RYR3: variants seen among roughly 807,000 people sequenced by gnomAD.
The protein encoded by RYR3 is ryanodine receptor 3.
RYR3 carries 207 observed loss-of-function variants against 584.3 expected under a neutral mutation model. The ratio of observed to expected loss-of-function variants is 0.35; its 90% CI spans 0.32 to 0.40. RYR3 has a LOEUF of 0.40. Among genes scored for constraint, RYR3 ranks in the 10% least tolerant of loss-of-function variants. The pLI is 1.00. For missense variants in RYR3, 5,616 were observed against 6,089.2 expected (o/e 0.92, Z 2.59); for synonymous variants, 2,416 against 2,248.5 (o/e 1.07, Z -2.11).
At chr15:33,843,422 G>GTGAAA (rs2152986593) in intron 91 of RYR3, 66 bp from the exon 92 acceptor site, 1 of 1,116,264 alleles carries the variant, frequency 9.0e-7, no homozygotes, top group African/African-American at 1.5e-5. Context: ...GACCTTCTGT[G>GTGAAA]TGAAAGTAGG....
intron 43 of RYR3, among the ~76,000 whole-genome samples, chr15:33,709,048 G>C (rs4780158): frequency 0.08 from 12,117 of 152,104 alleles, 1,033 homozygotes; most frequent in African/African-American, 0.22. Context: ...GTTTGCTTTA[G>C]GAGGAAGTTA....
intron 16 of RYR3, among the ~76,000 whole-genome samples, chr15:33,598,052 T>G (rs1456429527): frequency 6.6e-6 from 1 of 151,772 alleles, no homozygotes; most frequent in Non-Finnish European, 1.5e-5. Context: ...CATCATAAAG[T>G]ACAGAGAGAA....
intron 95 of RYR3, 71 bp downstream of exon 95, chr15:33,853,158 C>A: frequency 2.4e-6 from 3 of 1,257,610 alleles, no homozygotes; most frequent in Non-Finnish European, 3.3e-6. Flanking sequence ...AAGTTCTCCA[C>A]ATACAAACAT....
At chr15:33,633,766 G>T (rs2061374614) in intron 24 of RYR3, among the ~76,000 whole-genome samples, 4 of 152,128 alleles carry the variant, frequency 2.6e-5, no homozygotes, top group Admixed American at 2.6e-4. Flanking sequence ...TGTCCCTATT[G>T]TCTTCTTAGT....
At chr15:33,696,060 G>A (rs1418043581) in intron 38 of RYR3, among the ~76,000 whole-genome samples, 158 bp from the exon 39 acceptor site, 1 of 147,178 alleles carries the variant, frequency 6.8e-6, no homozygotes, top group African/African-American at 2.5e-5. Flanking sequence ...CTCCCAAATT[G>A]CTAGGATTAT....
chr15:33,493,457 T>C (rs1596357775), intron 2 of RYR3, among the ~76,000 whole-genome samples: 1 of 152,212 alleles, frequency 6.6e-6, no homozygotes. Context: ...GTGCTACTCA[T>C]TAAGTGGTTG....
intron 1 of RYR3, among the ~76,000 whole-genome samples, chr15:33,384,732 T>C (rs1216888157): frequency 6.6e-6 from 1 of 151,926 alleles, no homozygotes; most frequent in South Asian, 2.1e-4. Context: ...TTTTCAATAA[T>C]GCAATGTATT....
At chr15:33,544,158 A>G (rs928850746) in intron 8 of RYR3, among the ~76,000 whole-genome samples, 4 of 152,168 alleles carry the variant, frequency 2.6e-5, no homozygotes, top group African/African-American at 9.7e-5. Flanking sequence ...GCGCTGTGCC[A>G]AGGACGATGT....
At chr15:33,623,751 T>C in intron 19 of RYR3, 56 bp from the exon 20 acceptor site, 3 of 1,267,074 alleles carry the variant, frequency 2.4e-6, no homozygotes, top group Non-Finnish European at 3.4e-6. Flanking sequence ...TTTCACTTAT[T>C]TGGGCTGCAT....
chr15:33,584,618 T>G (rs2058752497), intron 15 of RYR3, 128 bp downstream of exon 15: 1 of 550,872 alleles, frequency 1.8e-6, no homozygotes, highest in East Asian at 3.1e-5. Flanking sequence ...ACTTCAAAAT[T>G]AAAAAGAAAT....
At chr15:33,478,747 A>G (rs2049671551) in intron 2 of RYR3, among the ~76,000 whole-genome samples, 2 of 152,226 alleles carry the variant, frequency 1.3e-5, no homozygotes, top group African/African-American at 4.8e-5. Context: ...CGGAACCCCA[A>G]TACCCTTCCA....
At chr15:33,733,000 C>T (rs779623083) in intron 48 of RYR3, among the ~76,000 whole-genome samples, 6 of 152,182 alleles carry the variant, frequency 3.9e-5, no homozygotes, top group Admixed American at 2.0e-4. Context: ...GTCCTCACAT[C>T]GATGTGAGTA....
At chr15:33,845,169 T>C (rs2078638995) in intron 93 of RYR3, 107 bp downstream of exon 93, 2 of 1,088,512 alleles carry the variant, frequency 1.8e-6, no homozygotes, top group Middle Eastern at 3.1e-4. Context: ...GTAAAGGCCT[T>C]CGTAAGGTCC....
At chr15:33,642,094 C>T (rs1446565125) in intron 27 of RYR3, among the ~76,000 whole-genome samples, 13 of 152,138 alleles carry the variant, frequency 8.5e-5, no homozygotes, top group Admixed American at 8.5e-4. Flanking sequence ...TCTACTGGTG[C>T]TTAGGAATGA....
intron 66 of RYR3, among the ~76,000 whole-genome samples, chr15:33,786,412 C>A (rs1034023031): frequency 6.6e-6 from 1 of 152,052 alleles, no homozygotes; most frequent in South Asian, 2.1e-4. Context: ...TGTCACTCTG[C>A]ATTTGTATTT....
In RYR3 at chr15:33,754,609, G is replaced by A. The variant is rs1329045897; in HGVS notation, c.8400-456G>A. ...TTAACACTACAGTCTGCAAACCCTG[G>A]CAGTTTTACCTTTAAAATATACCCA... On this transcript the variant is annotated intron_variant, in intron 57 of 103. Transcript: ENST00000634891. Among the ~76,000 whole-genome samples, 9 of 152,140 alleles carry A rather than the reference G, an allele frequency of 5.9e-5. No homozygotes were observed. In the South Asian group the frequency reaches 1.9e-3, roughly 32 times the overall value.
chr15:33,459,618 G>C (rs776161960), intron 1 of RYR3, among the ~76,000 whole-genome samples: 4 of 152,192 alleles, frequency 2.6e-5, no homozygotes, highest in Admixed American at 6.5e-5. Context: ...CCTGGGCACT[G>C]ACCCTGAAGC....
At chr15:33,664,868 C>T (rs796140737) in intron 36 of RYR3, among the ~76,000 whole-genome samples, 21 of 152,134 alleles carry the variant, frequency 1.4e-4, no homozygotes, top group African/African-American at 3.6e-4. Flanking sequence ...TATTTTAAAA[C>T]GTAGATATCT....
intron 1 of RYR3, among the ~76,000 whole-genome samples, chr15:33,431,520 T>C (rs2045145150): frequency 1.3e-5 from 2 of 152,048 alleles, no homozygotes; most frequent in African/African-American, 4.8e-5. Context: ...CCCAACACTT[T>C]GGGAGGCTGA....
Sources: allele counts gnomAD v4.1 joint callset (sites outside exome capture counted in the v4.1 genomes callset), GRCh38; gene constraint gnomAD v4.1.1; transcripts MANE v1.5; gene names NCBI Gene and HGNC (gene_info 2026-07-23, HGNC 2026-07-21).